NUDCD1: variants seen among roughly 807,000 people sequenced by gnomAD.
NUDCD1 encodes the protein NudC domain containing 1, also known as nudC domain-containing protein 1.
In NUDCD1, 60 loss-of-function variants were observed where a neutral mutation model predicts 67.8. The observed-to-expected ratio is 0.88, with a 90% CI of 0.72 to 1.10. The LOEUF is 1.10. Among genes scored for constraint, NUDCD1 ranks in the 50% least tolerant of loss-of-function variants. The pLI is 0.00. For synonymous variants in NUDCD1, 244 were observed against 230.8 expected (o/e 1.06, Z -0.52); for missense variants, 643 against 695.0 (o/e 0.93, Z 0.84).
At chr8:109,243,586 G>A (rs187358278) in intron 9 of NUDCD1, among the ~76,000 whole-genome samples, 5 of 152,082 alleles carry the variant, frequency 3.3e-5, no homozygotes, top group Admixed American at 6.6e-5. Flanking sequence ...CGAATAATTC[G>A]AACACTAAAA....
At chr8:109,243,981 G>GT (rs1270101903) in intron 9 of NUDCD1, among the ~76,000 whole-genome samples, 1 of 151,926 alleles carries the variant, frequency 6.6e-6, no homozygotes, top group Non-Finnish European at 1.5e-5. Flanking sequence ...TGTTTAAAAA[G>GT]TATCTTTTTG....
At chr8:109,319,712 C>T (rs1488654503) in intron 2 of NUDCD1, among the ~76,000 whole-genome samples, 1 of 152,100 alleles carries the variant, frequency 6.6e-6, no homozygotes, top group East Asian at 1.9e-4. Context: ...ATACAAAGTG[C>T]TGTAAGACAA....
intron 2 of NUDCD1, among the ~76,000 whole-genome samples, chr8:109,317,253 C>G (rs1343599856): frequency 2.0e-5 from 3 of 152,148 alleles, no homozygotes; most frequent in Non-Finnish European, 4.4e-5. Context: ...GTTGCTCATG[C>G]CTGTAATCCT....
chr8:109,292,762 T>C (rs1814737812), intron 4 of NUDCD1, among the ~76,000 whole-genome samples: 1 of 152,118 alleles, frequency 6.6e-6, no homozygotes, highest in South Asian at 2.1e-4. Flanking sequence ...ATTGTAATTT[T>C]TAATGTCAAG....
chr8:109,314,916 A>G (rs893851268), intron 2 of NUDCD1, among the ~76,000 whole-genome samples: 1 of 152,124 alleles, frequency 6.6e-6, no homozygotes, highest in African/African-American at 2.4e-5. Flanking sequence ...TAATAAATAT[A>G]GATTTATAGA....
In NUDCD1 at chr8:109,322,389, G is replaced by T. The variant is rs769026351; in HGVS notation, c.193C>A (p.Leu65Met). Residue 65 changes from leucine (L) to methionine (M), a missense_variant, in exon 2 of 10, where the codon CTG becomes ATG. Physicochemically the swap from Leu to Met is conservative, Grantham distance 15. Transcript: ENST00000239690. ...HMHAFGMYNY[L>M]HCDSWYQDSV... ...TCTTGATACCATGAATCACAGTGCA[G>T]GTAATTATACATTCCAAAAGCATGC... 1.3e-6 allele frequency: 2 copies of T among 1,599,888 alleles called. No individual in the cohort carries two copies. Among genetic ancestry groups the T allele is most frequent in the African/African-American group, 2.7e-5 (2 of 74,792 alleles).
At chr8:109,277,754 C>A (rs1319893007) in intron 6 of NUDCD1, among the ~76,000 whole-genome samples, 3 of 152,172 alleles carry the variant, frequency 2.0e-5, no homozygotes, top group Non-Finnish European at 4.4e-5. Flanking sequence ...TTCCCCCAGA[C>A]CTTTGCTGGG....
chr8:109,247,061 G>C (rs960907963), intron 8 of NUDCD1, among the ~76,000 whole-genome samples: 4 of 152,164 alleles, frequency 2.6e-5, no homozygotes, highest in African/African-American at 9.7e-5. Context: ...CCAGCACACA[G>C]AGACCACAGA....
intron 3 of NUDCD1, among the ~76,000 whole-genome samples, chr8:109,295,713 T>C (rs1814828070): frequency 3.9e-5 from 6 of 152,128 alleles, no homozygotes; most frequent in Admixed American, 6.6e-5. Context: ...ATTCAGACAG[T>C]AGCAATATTA....
chr8:109,299,489 T>C (rs939010468), intron 2 of NUDCD1, among the ~76,000 whole-genome samples: 1 of 152,060 alleles, frequency 6.6e-6, no homozygotes, highest in Non-Finnish European at 1.5e-5. Flanking sequence ...TCTCCCCCAC[T>C]TCCCTGAACA....
chr8:109,246,907 T>C (rs539942536), intron 8 of NUDCD1, among the ~76,000 whole-genome samples: 23 of 152,260 alleles, frequency 1.5e-4, no homozygotes, highest in Non-Finnish European at 2.5e-4. Context: ...GGACCTATTA[T>C]TGGTAAAGCT....
intron 1 of NUDCD1, among the ~76,000 whole-genome samples, chr8:109,331,166 C>G (rs1225557669): frequency 1.3e-5 from 2 of 152,068 alleles, no homozygotes; most frequent in Admixed American, 1.3e-4. Context: ...GATAGTAAAA[C>G]TCCGTCTCTA....
chr8:109,308,122 G>C (rs1376922122), intron 2 of NUDCD1, among the ~76,000 whole-genome samples: 3 of 152,124 alleles, frequency 2.0e-5, no homozygotes, highest in Non-Finnish European at 2.9e-5. Flanking sequence ...GGAACAAATG[G>C]ACTTAACAGA....
At chr8:109,317,756 T>C (rs1379172882) in intron 2 of NUDCD1, among the ~76,000 whole-genome samples, 2 of 152,210 alleles carry the variant, frequency 1.3e-5, no homozygotes, top group African/African-American at 4.8e-5. Context: ...CCAAGGCATA[T>C]GCCAGTAATA....
chr8:109,275,711 C>A (rs1284844625), intron 6 of NUDCD1, among the ~76,000 whole-genome samples: 1 of 152,010 alleles, frequency 6.6e-6, no homozygotes, highest in Admixed American at 6.6e-5. Flanking sequence ...AAAGAAAGTA[C>A]CACTGGAAAT....
chr8:109,282,465 G>C (rs1327484338), intron 5 of NUDCD1, among the ~76,000 whole-genome samples: 1 of 151,436 alleles, frequency 6.6e-6, no homozygotes, highest in African/African-American at 2.4e-5. Flanking sequence ...GAAAGAGAAA[G>C]AAAACAAACA....
At chr8:109,309,432 A>C (rs1359785276) in intron 2 of NUDCD1, among the ~76,000 whole-genome samples, 4 of 152,218 alleles carry the variant, frequency 2.6e-5, no homozygotes, top group Non-Finnish European at 5.9e-5. Flanking sequence ...TAAAACTCTC[A>C]GCAAAATTGG....
Position 109,247,909 on chromosome 8 carries a change from C to T in NUDCD1, c.1300-2428G>A, listed in dbSNP as rs554482505. On this transcript the variant is annotated intron_variant, in intron 8 of 9. Coordinates refer to ENST00000239690, the MANE Select transcript of NUDCD1 (RefSeq NM_032869.4). ...TAACGTCCCCCAAAGATGTCCACAT[C>T]TAAATCCCTTGGAACCTGTGAATAA... is the stretch of plus-strand genomic sequence containing the variant. 5.7e-4 allele frequency among the ~76,000 whole-genome samples: 84 copies of T among 147,164 alleles called. 1 individual carries two copies. The highest frequency in any genetic ancestry group is 3.4e-3 in the Middle Eastern group (1 of 294).
chr8:109,284,318 T>C lies in NUDCD1; in HGVS notation c.824-3146A>G, dbSNP rs1167779076. Among the ~76,000 whole-genome samples the C allele has an allele frequency of 2.0e-5, 3 of 152,146 alleles. No individual in the cohort carries two copies. The East Asian group carries it at 5.8e-4, about 29-fold the overall frequency. On this transcript the variant is annotated intron_variant, in intron 5 of 9. Coordinates refer to ENST00000239690, the MANE Select transcript of NUDCD1 (RefSeq NM_032869.4). Reference sequence around the variant, plus strand: ...AGTACTTCTAGACCTATGGAAAGACTTAGCCACAAGACAATAGTGGGGAAC... The same window carrying C: ...AGTACTTCTAGACCTATGGAAAGACCTAGCCACAAGACAATAGTGGGGAAC...
Sources: allele counts gnomAD v4.1 joint callset (sites outside exome capture counted in the v4.1 genomes callset), GRCh38; gene constraint gnomAD v4.1.1; transcripts MANE v1.5; gene names NCBI Gene and HGNC (gene_info 2026-07-23, HGNC 2026-07-21).